HSD17B11: variants seen among roughly 807,000 people sequenced by gnomAD.
HSD17B11 encodes the protein estradiol 17-beta-dehydrogenase 11.
HSD17B11 carries 22 observed loss-of-function variants against 27.8 expected under a neutral mutation model. The observed-to-expected ratio is 0.79, with a 90% CI of 0.56 to 1.13. HSD17B11 has a LOEUF of 1.13. Among genes scored for constraint, HSD17B11 ranks in the 50% most tolerant of loss-of-function variants. The pLI, the probability that HSD17B11 is intolerant of heterozygous loss-of-function variation, is 0.00. For synonymous variants in HSD17B11, 117 were observed against 132.8 expected (o/e 0.88, Z 0.82); for missense variants, 314 against 351.1 (o/e 0.89, Z 0.84).
chr4:87,388,525 T>C (rs1720376047), intron 1 of HSD17B11, among the ~76,000 whole-genome samples: 1 of 152,218 alleles, frequency 6.6e-6, no homozygotes, highest in South Asian at 2.1e-4. Context: ...TCTTCTGATA[T>C]TGATTCAATT....
intron 1 of HSD17B11, among the ~76,000 whole-genome samples, chr4:87,389,879 GT>G (rs1301710540): frequency 2.6e-5 from 4 of 151,704 alleles, no homozygotes; most frequent in Non-Finnish European, 4.4e-5. Context: ...TACACTGAAA[GT>G]TTTTTTCCCT....
intron 5 of HSD17B11, among the ~76,000 whole-genome samples, chr4:87,341,520 T>C (rs1319411518): frequency 6.6e-6 from 1 of 152,140 alleles, no homozygotes; most frequent in African/African-American, 2.4e-5. Context: ...GTGTAATCAC[T>C]CAAGTATATG....
rs758704282 is a variant in HSD17B11 at position 87,337,084 on chromosome 4, C to T, written c.*192G>A. On this transcript the variant is annotated 3_prime_UTR_variant, in exon 7 of 7. Coordinates refer to ENST00000358290, the MANE Select transcript of HSD17B11 (RefSeq NM_016245.5). ...TAAAGTCACCTCTAAAGGTATTTCT[C>T]TGTTTATATCATATGTAATCAGCTT... 1.8e-6 allele frequency: 1 copy of T among 555,684 alleles called. No individual in the cohort carries two copies. 34.4% of individuals were successfully genotyped at this position (555,684 alleles called of 1,614,324 possible).
intron 4 of HSD17B11, among the ~76,000 whole-genome samples, chr4:87,368,153 T>TAA (rs1218040283): frequency 6.6e-6 from 1 of 152,000 alleles, no homozygotes; most frequent in African/African-American, 2.4e-5. Flanking sequence ...CCGTCTCTAC[T>TAA]AAAAATACAA....
intron 4 of HSD17B11, among the ~76,000 whole-genome samples, chr4:87,358,866 C>T (rs928595460): frequency 2.0e-5 from 3 of 152,030 alleles, no homozygotes; most frequent in African/African-American, 7.3e-5. Context: ...GGCTGTGTCC[C>T]CACCCAAATC....
Position 87,337,331 on chromosome 4 carries a change from C to A in HSD17B11, c.848G>T (p.Arg283Leu), listed in dbSNP as rs9991501. ...LPERFLAVLK[R>L]KISVKFDAVI... The stretch of plus-strand genomic sequence containing the variant: ...TGCATCAAACTTAACACTGATTTTT[C>A]GTTTTAAAACTGCCAGGAAACGCTC... The change falls in exon 7 of 7, where the codon CGA becomes CTA. Residue 283 changes from arginine to leucine, a missense_variant. Transcript: ENST00000358290. The A allele has an allele frequency of 1.2e-6, 2 of 1,602,532 alleles. No homozygotes were observed.
At chr4:87,387,703 C>G (rs749259660) in intron 1 of HSD17B11, among the ~76,000 whole-genome samples, 13 of 152,164 alleles carry the variant, frequency 8.5e-5, no homozygotes, top group Non-Finnish European at 1.6e-4. Context: ...CATATGTTAT[C>G]ATGTAATTTC....
At chr4:87,382,546 G>C (rs1214193361) in intron 1 of HSD17B11, among the ~76,000 whole-genome samples, 184 bp from the exon 2 acceptor site, 1 of 152,112 alleles carries the variant, frequency 6.6e-6, no homozygotes, top group Non-Finnish European at 1.5e-5. Flanking sequence ...ATTTTGACTA[G>C]CTTCTTTTAT....
At chr4:87,354,174 G>C (rs774820246) in intron 5 of HSD17B11, among the ~76,000 whole-genome samples, 8 of 152,058 alleles carry the variant, frequency 5.3e-5, no homozygotes, top group Non-Finnish European at 1.0e-4. Context: ...GTCTAACGTT[G>C]GCTTTCTGTT....
In HSD17B11 at chr4:87,340,498, T is replaced by C. The variant is rs2110111764; in HGVS notation, c.804A>G (p.Thr268=). The C allele has an allele frequency of 6.3e-7, 1 of 1,591,232 alleles. No homozygotes were observed. Among genetic ancestry groups the C allele is most frequent in the Non-Finnish European group, 8.6e-7 (1 of 1,163,950 alleles). ...FIPSSIAFLT[T]LERILPERFL... ...TCTTAACTGTCACTTACCTTTCCAA[T>C]GTTGTTAAAAAAGCTATAGAAGATG... The change falls in exon 6 of 7, where the codon ACA becomes ACG. Residue 268 remains threonine (T), a synonymous_variant. Transcript: ENST00000358290.
chr4:87,386,347 C>G (rs1171977089), intron 1 of HSD17B11, among the ~76,000 whole-genome samples: 1 of 152,078 alleles, frequency 6.6e-6, no homozygotes. Context: ...GGATTACAGG[C>G]ATGCGCCACC....
intron 4 of HSD17B11, among the ~76,000 whole-genome samples, chr4:87,363,738 G>A (rs944621890): frequency 1.1e-4 from 16 of 152,210 alleles, no homozygotes; most frequent in Non-Finnish European, 1.5e-4. Flanking sequence ...AAAAGAAATA[G>A]ACACTGCCCA....
chr4:87,344,705 A>G (rs936560569), intron 5 of HSD17B11, among the ~76,000 whole-genome samples: 6 of 152,240 alleles, frequency 3.9e-5, no homozygotes, highest in Non-Finnish European at 8.8e-5. Flanking sequence ...ATTATTCTCA[A>G]GAACACATGG....
At chr4:87,365,782 T>C (rs1446620503) in intron 4 of HSD17B11, among the ~76,000 whole-genome samples, 6 of 151,354 alleles carry the variant, frequency 4.0e-5, no homozygotes, top group Admixed American at 1.3e-4. Flanking sequence ...AGCATGGGAA[T>C]GCGGATTATT....
At chr4:87,379,799 T>C (rs1484211699) in intron 2 of HSD17B11, among the ~76,000 whole-genome samples, 1 of 141,578 alleles carries the variant, frequency 7.1e-6, no homozygotes, top group East Asian at 2.0e-4. Flanking sequence ...TATAGTATAA[T>C]ATACTATAGT....
intron 4 of HSD17B11, among the ~76,000 whole-genome samples, chr4:87,360,779 TG>T (rs1341027239): frequency 1.3e-5 from 2 of 152,224 alleles, no homozygotes; most frequent in African/African-American, 2.4e-5. Flanking sequence ...TTAAGTTTTT[TG>T]TTCCTTGCAA....
chr4:87,368,035 C>T (rs998284561), intron 4 of HSD17B11, among the ~76,000 whole-genome samples: 1 of 152,084 alleles, frequency 6.6e-6, no homozygotes, highest in Non-Finnish European at 1.5e-5. Context: ...ACTCAAGAGT[C>T]GGCTAGGCAC....
chr4:87,363,681 A>G (rs1259831401), intron 4 of HSD17B11, among the ~76,000 whole-genome samples: 1 of 152,250 alleles, frequency 6.6e-6, no homozygotes, highest in African/African-American at 2.4e-5. Context: ...TTAAATAGTT[A>G]AAAGCCTTTG....
intron 4 of HSD17B11, among the ~76,000 whole-genome samples, chr4:87,357,963 T>A (rs1735420895): frequency 1.8e-5 from 2 of 113,658 alleles, no homozygotes; most frequent in Admixed American, 1.7e-4. Flanking sequence ...TTTTTTTTTT[T>A]TTTTTTTTTT....
Sources: gnomAD v4.1 joint callset for allele counts (sites outside exome capture counted in the v4.1 genomes callset) on GRCh38, gnomAD v4.1.1 for gene constraint, MANE v1.5 for transcripts, NCBI Gene and HGNC (gene_info 2026-07-23, HGNC 2026-07-21) for gene names.